Variants in PRRC2B observed in about 807,000 individuals in gnomAD.
PRRC2B encodes the protein proline rich coiled-coil 2B.
Under a neutral mutation model 242.3 loss-of-function variants are expected in PRRC2B, and 68 were observed. That is an observed-to-expected ratio of 0.28 (90% confidence interval 0.23 to 0.34). The LOEUF (loss-of-function observed/expected upper bound fraction) is 0.34, where lower values mean the gene tolerates loss of function less well. PRRC2B is among the 10% of genes least tolerant of loss of function. PRRC2B has a pLI of 1.00. For missense variants in PRRC2B, 2,835 were observed against 2,954.8 expected (o/e 0.96, Z 0.94); for synonymous variants, 1,228 against 1,173.6 (o/e 1.05, Z -0.95).
chr9:131,486,237 AGGG>A, intron 26 of PRRC2B, 55 bp downstream of exon 26: 2 of 1,216,580 alleles, frequency 1.6e-6, no homozygotes, highest in Non-Finnish European at 2.4e-6. Context: ...GAGCCAGTGC[AGGG>A]CGGAATTGGC....
At chr9:131,397,501 C>T (rs142363409) in intron 1 of PRRC2B, among the ~76,000 whole-genome samples, 6 of 149,164 alleles carry the variant, frequency 4.0e-5, no homozygotes, top group Non-Finnish European at 8.9e-5. Flanking sequence ...ACACTCCTAA[C>T]CTCTTTTGAA....
chr9:131,412,652 A>T (rs1311517225), intron 1 of PRRC2B, among the ~76,000 whole-genome samples: 1 of 152,196 alleles, frequency 6.6e-6, no homozygotes, highest in Non-Finnish European at 1.5e-5. Context: ...TTGCAAATTA[A>T]CCGCTGGATT....
At chr9:131,395,548 G>T (rs545232716) in intron 1 of PRRC2B, among the ~76,000 whole-genome samples, 2 of 152,276 alleles carry the variant, frequency 1.3e-5, no homozygotes, top group African/African-American at 4.8e-5. Context: ...CCTCCACCTG[G>T]CAGGTTTGGG....
At chr9:131,455,894 C>A (rs1943060539) in intron 10 of PRRC2B, among the ~76,000 whole-genome samples, 1 of 151,826 alleles carries the variant, frequency 6.6e-6, no homozygotes. Context: ...AGGTGGATCT[C>A]TTGAGGTCAG....
At chr9:131,386,817 CAT>C (rs1031483343) in intron 1 of PRRC2B, among the ~76,000 whole-genome samples, 4 of 147,826 alleles carry the variant, frequency 2.7e-5, no homozygotes, top group African/African-American at 7.4e-5. Flanking sequence ...TATATATAAT[CAT>C]ATATATATAT....
At chr9:131,425,085 A>C (rs1033817533) in intron 1 of PRRC2B, among the ~76,000 whole-genome samples, 5 of 151,920 alleles carry the variant, frequency 3.3e-5, no homozygotes, top group African/African-American at 1.2e-4. Flanking sequence ...TGCTGCCTTC[A>C]AGTGATTCTC....
chr9:131,402,555 G>C (rs1026102361), intron 1 of PRRC2B, among the ~76,000 whole-genome samples: 4 of 152,118 alleles, frequency 2.6e-5, no homozygotes, highest in African/African-American at 9.7e-5. Context: ...CTTTCCCCCA[G>C]TGGAGTGAGT....
chr9:131,493,890 A>C (rs765886643), intron 30 of PRRC2B, among the ~76,000 whole-genome samples: 3 of 151,972 alleles, frequency 2.0e-5, no homozygotes, highest in Non-Finnish European at 4.4e-5. Context: ...TCCACGTAGC[A>C]CCTAATTAAC....
At chr9:131,421,420 A>G (rs1201031457) in intron 1 of PRRC2B, among the ~76,000 whole-genome samples, 1 of 152,226 alleles carries the variant, frequency 6.6e-6, no homozygotes, top group Non-Finnish European at 1.5e-5. Context: ...AGACTTAACA[A>G]GTAAACTGTC....
In PRRC2B at chr9:131,447,102, A is replaced by G; in HGVS notation, c.873A>G (p.Ser291=). 1 of 1,614,066 alleles carries G rather than the reference A, an allele frequency of 6.2e-7. No individual in the cohort carries two copies. The highest frequency in any genetic ancestry group is 1.3e-5 in the African/African-American group (1 of 75,062). The change falls in exon 8 of 32, where the codon TCA becomes TCG. Residue 291 remains serine (S), a synonymous_variant. Transcript: ENST00000683519. ...MLPAFMCSPK[S]SENQGTVERG... Reference sequence around the variant, plus strand: ...TGTTTCAGATGTGTTCGCCGAAGTCATCAGAAAACCAGGGTACAGTGGAAC... The same window carrying G: ...TGTTTCAGATGTGTTCGCCGAAGTCGTCAGAAAACCAGGGTACAGTGGAAC...
chr9:131,436,868 T>C, intron 4 of PRRC2B, 146 bp downstream of exon 4: 3 of 639,004 alleles, frequency 4.7e-6, no homozygotes, highest in Non-Finnish European at 8.1e-6. Context: ...TGAGTGACTT[T>C]AGAAAACCGT....
intron 10 of PRRC2B, among the ~76,000 whole-genome samples, chr9:131,457,845 G>A (rs895433026): frequency 6.6e-6 from 1 of 152,118 alleles, no homozygotes; most frequent in Non-Finnish European, 1.5e-5. Flanking sequence ...CTCTGTAATT[G>A]TTGTCCCCTC....
chr9:131,438,310 C>T (rs1838440860), intron 4 of PRRC2B, among the ~76,000 whole-genome samples: 1 of 152,154 alleles, frequency 6.6e-6, no homozygotes, highest in South Asian at 2.1e-4. Flanking sequence ...TCCTGCTGTT[C>T]TGCATCTGAC....
At chr9:131,491,718 T>C in intron 29 of PRRC2B, 138 bp downstream of exon 29, 1 of 826,384 alleles carries the variant, frequency 1.2e-6, no homozygotes, top group Non-Finnish European at 1.8e-6. Context: ...GGTGACCATG[T>C]GTGGGGCCAT....
At chr9:131,479,018 G>A (rs996175880) in intron 18 of PRRC2B, among the ~76,000 whole-genome samples, 5 of 152,092 alleles carry the variant, frequency 3.3e-5, no homozygotes, top group Admixed American at 2.0e-4. Flanking sequence ...TACTAAAATG[G>A]AGTCAGGGCT....
intron 1 of PRRC2B, among the ~76,000 whole-genome samples, chr9:131,413,089 T>G (rs1837547207): frequency 6.6e-6 from 1 of 152,268 alleles, no homozygotes; most frequent in Admixed American, 6.5e-5. Flanking sequence ...ATTAATGTAC[T>G]TTATATTCTT....
intron 1 of PRRC2B, among the ~76,000 whole-genome samples, chr9:131,405,236 G>T (rs1454063001): frequency 6.6e-6 from 1 of 152,192 alleles, no homozygotes; most frequent in Non-Finnish European, 1.5e-5. Context: ...TGGGTGTCTT[G>T]TTAGGTGAAG....
At chr9:131,419,737 C>T (rs1370421830) in intron 1 of PRRC2B, among the ~76,000 whole-genome samples, 2 of 151,922 alleles carry the variant, frequency 1.3e-5, no homozygotes, top group African/African-American at 2.4e-5. Context: ...AAATAGACCT[C>T]AAGTCACAGT....
At chr9:131,490,899 C>T (rs1233069105) in intron 28 of PRRC2B, 7 of 313,924 alleles carry the variant, frequency 2.2e-5, no homozygotes, top group Admixed American at 4.0e-5. Context: ...TTGCCCACCC[C>T]GCCCCGTGTG....
Sources: gnomAD v4.1 joint callset for allele counts (sites outside exome capture counted in the v4.1 genomes callset) on GRCh38, gnomAD v4.1.1 for gene constraint, MANE v1.5 for transcripts, NCBI Gene and HGNC (gene_info 2026-07-23, HGNC 2026-07-21) for gene names.